The following GRK3 variants were observed in gnomAD, a reference collection of about 807,000 sequenced individuals.
The protein encoded by GRK3 is adrenergic, beta, receptor kinase 2.
In GRK3, 54 loss-of-function variants were observed where a neutral mutation model predicts 95.7. The observed-to-expected ratio is 0.56, with a 90% CI of 0.45 to 0.71. GRK3 has a LOEUF of 0.71. Among genes scored for constraint, GRK3 ranks in the 30% least tolerant of loss-of-function variants. GRK3 has a pLI of 0.00. For synonymous variants in GRK3, 281 were observed against 290.8 expected, an observed-to-expected ratio of 0.97 and a Z score of 0.34; for missense variants, 649 against 851.2, an observed-to-expected ratio of 0.76 and a Z score of 2.96.
intron 15 of GRK3, among the ~76,000 whole-genome samples, chr22:25,707,730 G>A (rs1037473808): frequency 2.0e-5 from 3 of 152,230 alleles, no homozygotes; most frequent in African/African-American, 7.2e-5. Flanking sequence ...AGACTGGAGA[G>A]TTTTGAGCAG....
At chr22:25,638,639 G>C (rs939249476) in intron 2 of GRK3, among the ~76,000 whole-genome samples, 1 of 152,120 alleles carries the variant, frequency 6.6e-6, no homozygotes, top group Non-Finnish European at 1.5e-5. Flanking sequence ...TAGTAATAGT[G>C]GGGGGATACC....
intron 2 of GRK3, among the ~76,000 whole-genome samples, chr22:25,643,343 G>A (rs1436610752): frequency 6.6e-6 from 1 of 152,178 alleles, no homozygotes; most frequent in Non-Finnish European, 1.5e-5. Flanking sequence ...TTCTACTCTA[G>A]TTTGAGTGAA....
Position 25,665,049 on chromosome 22 carries a change from G to A in GRK3, c.441+1345G>A, listed in dbSNP as rs556960611. 5.3e-5 allele frequency among the ~76,000 whole-genome samples: 8 copies of A among 152,270 alleles called. 1 individual carries two copies. The highest frequency in any genetic ancestry group is 2.1e-4 in the South Asian group (1 of 4,820). On this transcript the variant is annotated intron_variant, in intron 5 of 20. Coordinates refer to ENST00000324198, the MANE Select transcript of GRK3 (RefSeq NM_005160.4). The stretch of plus-strand genomic sequence containing the variant: ...TGACCTGGCTTTGAGTCCCAGGGCC[G>A]TAGCTGGAGGACCTTGGGTAAGCTC...
At chr22:25,670,881 C>A (rs370749637) in intron 6 of GRK3, among the ~76,000 whole-genome samples, 2,360 of 65,188 alleles carry the variant, frequency 0.036, 25 homozygotes, top group Non-Finnish European at 0.055. Flanking sequence ...ACTAAAAATA[C>A]AAAAAAAAAA....
chr22:25,650,012 G>A (rs1337647528), intron 3 of GRK3, among the ~76,000 whole-genome samples: 1 of 147,784 alleles, frequency 6.8e-6, no homozygotes, highest in Non-Finnish European at 1.5e-5. Flanking sequence ...TTTTTTTTGA[G>A]ACAGAGTCTT....
chr22:25,575,719 G>A (rs1282527340), intron 1 of GRK3, among the ~76,000 whole-genome samples: 5 of 152,178 alleles, frequency 3.3e-5, no homozygotes, highest in South Asian at 2.1e-4. Context: ...ATTATGCTTG[G>A]TAGCAGGTAG....
At chr22:25,620,954 C>T (rs906367415) in intron 2 of GRK3, among the ~76,000 whole-genome samples, 5 of 152,284 alleles carry the variant, frequency 3.3e-5, no homozygotes, top group East Asian at 3.9e-4. Context: ...TGTAGCCACT[C>T]GGGACTGAAG....
intron 5 of GRK3, among the ~76,000 whole-genome samples, chr22:25,667,048 C>G (rs5752194): frequency 0.13 from 19,263 of 152,078 alleles, 1,720 homozygotes; most frequent in East Asian, 0.4. Flanking sequence ...GAACCAGGAG[C>G]CCTCGCCTTA....
At position 25,703,496 on chromosome 22, in the gene GRK3, C is replaced by G; in HGVS notation, c.1161-14C>G. ...GATGCCATATTTTGATAGAACAATTCTTTATTTCTACAGTCACAGCCCTTT... is the reference window on the plus strand; with the variant it reads ...GATGCCATATTTTGATAGAACAATTGTTTATTTCTACAGTCACAGCCCTTT... On this transcript the variant is annotated splice_polypyrimidine_tract_variant and intron_variant, in intron 13 of 20. Coordinates refer to ENST00000324198, the MANE Select transcript of GRK3 (RefSeq NM_005160.4). The G allele has an allele frequency of 4.4e-6, 7 of 1,604,388 alleles. No homozygotes were observed. Among genetic ancestry groups the G allele is most frequent in the Non-Finnish European group, 6.0e-6 (7 of 1,171,894 alleles).
At chr22:25,652,937 C>T (rs142527007) in intron 3 of GRK3, among the ~76,000 whole-genome samples, 66 of 152,194 alleles carry the variant, frequency 4.3e-4, no homozygotes, top group Non-Finnish European at 7.6e-4. Flanking sequence ...CATCATACGG[C>T]GTAGGGGTGT....
Position 25,726,186 on chromosome 22 carries a change from G to T in GRK3, c.*3736G>T, listed in dbSNP as rs146914479. On this transcript the variant is annotated 3_prime_UTR_variant, in exon 21 of 21. Coordinates refer to ENST00000324198, the MANE Select transcript of GRK3 (RefSeq NM_005160.4). ...GACAGGGATTTAACTAGATTAAAAA[G>T]ATCAAAGTGTGGTTTTTCTCTGCTT... The T allele has an allele frequency of 1.3e-5, 2 of 152,296 alleles. No individual in the cohort carries two copies. Among genetic ancestry groups the T allele is most frequent in the Non-Finnish European group, 2.9e-5 (2 of 68,016 alleles). The allele number at this position is 152,296 out of a possible 1,614,324, so 9.4% of individuals were successfully genotyped here.
chr22:25,671,768 T>G (rs543470116), intron 6 of GRK3, among the ~76,000 whole-genome samples: 1 of 152,366 alleles, frequency 6.6e-6, no homozygotes, highest in South Asian at 2.1e-4. Context: ...CATTAATTTT[T>G]TGTCTTAGAG....
At chr22:25,584,176 G>T (rs1396323454) in intron 1 of GRK3, among the ~76,000 whole-genome samples, 1 of 152,224 alleles carries the variant, frequency 6.6e-6, no homozygotes, top group Non-Finnish European at 1.5e-5. Flanking sequence ...TTAGCCATGT[G>T]GTGGTTCCCC....
At chr22:25,710,863 C>T (rs1164678489) in intron 16 of GRK3, among the ~76,000 whole-genome samples, 1 of 152,154 alleles carries the variant, frequency 6.6e-6, no homozygotes, top group Non-Finnish European at 1.5e-5. Flanking sequence ...TTTAATTTGT[C>T]TAAAATATAG....
In GRK3 at chr22:25,664,516, A is replaced by ATC. The variant is rs1409027247; in HGVS notation, c.441+813_441+814insCT. On this transcript the variant is annotated intron_variant, in intron 5 of 20. Transcript: ENST00000324198. ...TAAAGGGAGGTAAGTTGACTTTGGC[A>ATC]TTTTTTTTTTTTTTTTTTTTTTGAG... 4.4e-4 allele frequency among the ~76,000 whole-genome samples: 53 copies of ATC among 121,504 alleles called. 1 individual carries two copies. Among genetic ancestry groups the ATC allele is most frequent in the African/African-American group, 5.5e-4 (16 of 28,942 alleles). 79.7% of individuals were successfully genotyped at this position (121,504 alleles called of 152,430 possible).
In GRK3 at chr22:25,714,582, C is replaced by T. The variant is rs963802956; in HGVS notation, c.1654+12C>T. The T allele has an allele frequency of 5.7e-6, 9 of 1,572,762 alleles. No homozygotes were observed. Among genetic ancestry groups the T allele is most frequent in the Non-Finnish European group, 7.7e-6 (9 of 1,163,584 alleles). ...TGGCCACGAAGAAGGTAAAATAGCT[C>T]ACGTGTCTCAAAACATTTCTAATGC... On this transcript the variant is annotated intron_variant, in intron 18 of 20. Transcript: ENST00000324198.
intron 2 of GRK3, among the ~76,000 whole-genome samples, chr22:25,629,990 G>A (rs1601486874): frequency 6.6e-6 from 1 of 152,090 alleles, no homozygotes; most frequent in African/African-American, 2.4e-5. Flanking sequence ...TTGCATTGAA[G>A]ACCCCTTCAT....
chr22:25,600,341 T>C (rs1489950912), intron 1 of GRK3, among the ~76,000 whole-genome samples: 1 of 152,112 alleles, frequency 6.6e-6, no homozygotes, highest in Non-Finnish European at 1.5e-5. Flanking sequence ...GGTTTCACCA[T>C]GTTGTCCATG....
chr22:25,691,647 C>A (rs1401139476), intron 12 of GRK3, among the ~76,000 whole-genome samples: 2 of 152,148 alleles, frequency 1.3e-5, no homozygotes, highest in Admixed American at 1.3e-4. Context: ...ATTTTTAATG[C>A]CACAGTTATT....
Sources: allele counts gnomAD v4.1 joint callset (sites outside exome capture counted in the v4.1 genomes callset), GRCh38; gene constraint gnomAD v4.1.1; transcripts MANE v1.5; gene names NCBI Gene and HGNC (gene_info 2026-07-23, HGNC 2026-07-21).